STAT4: variants seen among roughly 807,000 people sequenced by gnomAD.
The protein encoded by STAT4 is signal transducer and activator of transcription 4.
In STAT4, 42 loss-of-function variants were observed where a neutral mutation model predicts 110.5. The ratio of observed to expected loss-of-function variants is 0.38; its 90% CI spans 0.30 to 0.49. STAT4 has a LOEUF of 0.49. STAT4 is among the 20% of genes least tolerant of loss of function. The pLI, the probability that STAT4 is intolerant of heterozygous loss-of-function variation, is 0.95. For missense variants in STAT4, 632 were observed against 887.9 expected (o/e 0.71, Z 3.66); for synonymous variants, 284 against 302.2 (o/e 0.94, Z 0.63).
In STAT4 at chr2:191,029,693, G is replaced by A. The variant is rs949505895; in HGVS notation, c.*147C>T. 6 of 718,726 alleles carry A rather than the reference G, an allele frequency of 8.3e-6. No individual in the cohort carries two copies. Among genetic ancestry groups the A allele is most frequent in the South Asian group, 3.5e-5 (2 of 57,166 alleles). The allele number at this position is 718,726 out of a possible 1,614,324, so 44.5% of individuals were successfully genotyped here. Reference sequence around the variant, plus strand: ...AACACTCCCAATTGAGGAGTGCCACGGGAGTGTGAAGAGAGCTTCAGATGT... The same window carrying A: ...AACACTCCCAATTGAGGAGTGCCACAGGAGTGTGAAGAGAGCTTCAGATGT... On this transcript the variant is annotated 3_prime_UTR_variant, in exon 24 of 24. Coordinates refer to ENST00000392320, the MANE Select transcript of STAT4 (RefSeq NM_003151.4). This position sits in a 1 kb window ranked among gnomAD's most constrained non-coding sequence, Gnocchi z 4.5.
rs1698566408 is a variant in STAT4, at chr2:191,116,202, C to T, written c.273+30411G>A. ...GTGAAGCTAAGATCACATATGTACC[C>T]TTTGTTCACTGATGCTGACAAGAGG... is the stretch of plus-strand genomic sequence containing the variant. On this transcript the variant is annotated intron_variant, in intron 3 of 23. Coordinates refer to ENST00000392320, the MANE Select transcript of STAT4 (RefSeq NM_003151.4). The surrounding 1 kb of genome is among the most constrained non-coding windows in gnomAD (Gnocchi z 4.1). Among the ~76,000 whole-genome samples, 1 of 152,170 alleles carries T rather than the reference C, an allele frequency of 6.6e-6. No individual in the cohort carries two copies. Among genetic ancestry groups the T allele is most frequent in the African/African-American group, 2.4e-5 (1 of 41,432 alleles).
rs1227169077 is a variant in STAT4 at position 191,033,815 on chromosome 2, C to T, written c.1715+96G>A. On this transcript the variant is annotated intron_variant, in intron 19 of 23. Coordinates refer to ENST00000392320, the MANE Select transcript of STAT4 (RefSeq NM_003151.4). The surrounding 1 kb of genome is among the most constrained non-coding windows in gnomAD (Gnocchi z 6.9). Reference sequence around the variant, plus strand: ...ATTGCAACTATTTTTTTCTGTGGTACTAAACATGCTTAAGAGAAAAAGAAA... The same window carrying T: ...ATTGCAACTATTTTTTTCTGTGGTATTAAACATGCTTAAGAGAAAAAGAAA... 4 of 1,360,040 alleles carry T rather than the reference C, an allele frequency of 2.9e-6. No individual in the cohort carries two copies. Among genetic ancestry groups the T allele is most frequent in the East Asian group, 4.6e-5 (2 of 43,390 alleles). 84.2% of individuals were successfully genotyped at this position (1,360,040 alleles called of 1,614,324 possible). A position where few individuals can be genotyped will look rare whatever the true frequency, so the allele number is the denominator to read the frequency against.
intron 3 of STAT4, among the ~76,000 whole-genome samples, chr2:191,098,927 T>C (rs1267883048): frequency 6.6e-6 from 1 of 151,924 alleles, no homozygotes; most frequent in Non-Finnish European, 1.5e-5. Flanking sequence ...AGACATATTA[T>C]AGACTTAGGA....
chr2:191,148,079 T>C lies in STAT4; in HGVS notation c.125A>G (p.Asp42Gly), dbSNP rs761161672. Residue 42 changes from aspartate to glycine, a missense_variant, in exon 2 of 24, where the codon GAC (aspartate) becomes GGC (glycine). Transcript: ENST00000392320. ...GGGAAAATATGTTTGATCCTACCAG[T>C]CTTGATTTTCAATCCATTGGGCCAA... ...HLLAQWIENQ[D>G]WEAASNNETM... 48 of 1,613,648 alleles carry C rather than the reference T, an allele frequency of 3.0e-5. No homozygotes were observed. Among genetic ancestry groups the C allele is most frequent in the Non-Finnish European group, 3.8e-5 (45 of 1,179,752 alleles).
intron 3 of STAT4, among the ~76,000 whole-genome samples, chr2:191,089,246 T>C: frequency 6.6e-6 from 1 of 152,256 alleles, no homozygotes; most frequent in East Asian, 1.9e-4. Context: ...ATGGGCCAAA[T>C]ACCATAATAG....
At position 191,144,330 on chromosome 2, in the gene STAT4, T is replaced by A. The variant is rs558764328; in HGVS notation, c.273+2283A>T. Among the ~76,000 whole-genome samples the A allele has an allele frequency of 2.0e-5, 3 of 152,216 alleles. No homozygotes were observed. The highest frequency in any genetic ancestry group is 3.9e-4 in the East Asian group (2 of 5,178). ...TTTTCTTGTTGCACTGGAACCTACA[T>A]AGATTCTTTAGGGATGGATGGGAAC... On this transcript the variant is annotated intron_variant, in intron 3 of 23. Coordinates refer to ENST00000392320, the MANE Select transcript of STAT4 (RefSeq NM_003151.4). The surrounding 1 kb of genome is among the most constrained non-coding windows in gnomAD (Gnocchi z 4.7).
chr2:191,094,917 C>CAAAAAAAAAAAAAAAAAAAA, intron 3 of STAT4, among the ~76,000 whole-genome samples: 1 of 77,920 alleles, frequency 1.3e-5, no homozygotes, highest in South Asian at 5.0e-4. Context: ...AAATGGAAAG[C>CAAAAAAAAAAAAAAAAAAAA]AAAAAAAAAA....
Position 191,039,239 on chromosome 2 carries a change from GC to G in STAT4, c.1393del (p.Ala465HisfsTer27), listed in dbSNP as rs1696123103. The G allele has an allele frequency of 6.2e-7, 1 of 1,614,076 alleles. No homozygotes were observed. The highest frequency in any genetic ancestry group is 8.5e-7 in the Non-Finnish European group (1 of 1,180,012). ...SNVSQLPNAW[A>X]SIIWYNVSTN... The stretch of plus-strand genomic sequence containing the variant: ...TGACACGTTGTACCAAATGATGGAT[GC>G]CCAAGCATTAGGTAACTGACTGACA... On this transcript the variant is annotated frameshift_variant, in exon 16 of 24. Coordinates refer to ENST00000392320, the MANE Select transcript of STAT4 (RefSeq NM_003151.4). LOFTEE classifies it high-confidence loss of function. The surrounding 1 kb of genome is among the most constrained non-coding windows in gnomAD (Gnocchi z 4.7).
chr2:191,123,491 C>A (rs1411964834), intron 3 of STAT4, among the ~76,000 whole-genome samples: 1 of 152,140 alleles, frequency 6.6e-6, no homozygotes, highest in Non-Finnish European at 1.5e-5. Context: ...TCACATGTAC[C>A]ATATTCTCGA....
chr2:191,062,843 G>T lies in STAT4; in HGVS notation c.860C>A (p.Thr287Lys), dbSNP rs1696888097. The T allele has an allele frequency of 6.2e-7, 1 of 1,613,924 alleles. No individual in the cohort carries two copies. Among genetic ancestry groups the T allele is most frequent in the Non-Finnish European group, 8.5e-7 (1 of 1,179,904 alleles). Residue 287 changes from threonine to lysine, a missense_variant, in exon 9 of 24, where the codon ACA (threonine) becomes AAA (lysine). Physicochemically the swap from Thr to Lys is moderately conservative, Grantham distance 78. Transcript: ENST00000392320. This position sits in a 1 kb window ranked among gnomAD's most constrained non-coding sequence, Gnocchi z 4.9. ...EKLEEQSTKMTYEGDPIPMQR... is the reference protein window; with the variant it reads ...EKLEEQSTKMKYEGDPIPMQR... ...CATTGGAATGGGATCACCTTCATAT[G>T]TCATTTTGGTAGATTGCTCCTCTAG...
intron 3 of STAT4, among the ~76,000 whole-genome samples, chr2:191,109,186 A>T (rs907876518): frequency 2.6e-5 from 4 of 152,210 alleles, no homozygotes; most frequent in Non-Finnish European, 4.4e-5. Context: ...CCATTTCTAC[A>T]AGCGAAAAAC....
At position 191,066,403 on chromosome 2, in the gene STAT4, A is replaced by G. The variant is rs3024845; in HGVS notation, c.630+27T>C. 3.3e-3 allele frequency: 5,254 copies of G among 1,596,836 alleles called. 154 individuals carry two copies. In the African/African-American group the frequency reaches 0.062, roughly 19 times the overall value. On this transcript the variant is annotated intron_variant, in intron 7 of 23. Coordinates refer to ENST00000392320, the MANE Select transcript of STAT4 (RefSeq NM_003151.4). This position sits in a 1 kb window ranked among gnomAD's most constrained non-coding sequence, Gnocchi z 4.3. ...TAGAAAAAAGGAGAAAAATAGGCAA[A>G]AGCCCAAATTAAAATTCTTCACTAA...
chr2:191,147,500 T>C lies in STAT4; in HGVS notation c.128+576A>G, dbSNP rs1203631972. Among the ~76,000 whole-genome samples the C allele has an allele frequency of 2.0e-5, 3 of 151,538 alleles. No individual in the cohort carries two copies. The highest frequency in any genetic ancestry group is 2.1e-4 in the South Asian group (1 of 4,784). On this transcript the variant is annotated intron_variant, in intron 2 of 23. Transcript: ENST00000392320. The surrounding 1 kb of genome is among the most constrained non-coding windows in gnomAD (Gnocchi z 4.1). Reference sequence around the variant, plus strand: ...AAAATAGAATGGTGATTGCCAGGGGTTGGGGGTGGAGGACTAGGGAGTTAC... The same window carrying C: ...AAAATAGAATGGTGATTGCCAGGGGCTGGGGGTGGAGGACTAGGGAGTTAC...
intron 3 of STAT4, among the ~76,000 whole-genome samples, chr2:191,102,552 G>T (rs1698173649): frequency 6.6e-6 from 1 of 152,142 alleles, no homozygotes; most frequent in Non-Finnish European, 1.5e-5. Context: ...CTAATAGAAT[G>T]AGCTCTGCTT....
Position 191,037,709 on chromosome 2 carries a change from G to C in STAT4, c.1435-1410C>G, listed in dbSNP as rs1267315153. On this transcript the variant is annotated intron_variant, in intron 16 of 23. Transcript: ENST00000392320. This position sits in a 1 kb window ranked among gnomAD's most constrained non-coding sequence, Gnocchi z 4.8. ...CCAATTCAAGAGATTTCAGAAGGTG[G>C]GAATGAAAGAGGACACAGCATCCAA... is the stretch of plus-strand genomic sequence containing the variant. 6.6e-6 allele frequency among the ~76,000 whole-genome samples: 1 copy of C among 152,154 alleles called. No homozygotes were observed. The highest frequency in any genetic ancestry group is 1.9e-4 in the East Asian group (1 of 5,196).
intron 6 of STAT4, among the ~76,000 whole-genome samples, chr2:191,067,053 T>C (rs188909996): frequency 2.6e-5 from 4 of 151,398 alleles, no homozygotes; most frequent in Admixed American, 1.3e-4. Flanking sequence ...TCCCCCACTT[T>C]TTTTTCTTTT....
In STAT4 at chr2:191,146,229, G is replaced by A. The variant is rs1449223434; in HGVS notation, c.273+384C>T. 2.6e-5 allele frequency among the ~76,000 whole-genome samples: 4 copies of A among 152,112 alleles called. No individual in the cohort carries two copies. The highest frequency in any genetic ancestry group is 5.9e-5 in the Non-Finnish European group (4 of 68,016). Reference sequence around the variant, plus strand: ...CTGTAAGAATACATTCACTCATGATGCTCTCATTTAGGAATGAGAACAATA... The same window carrying A: ...CTGTAAGAATACATTCACTCATGATACTCTCATTTAGGAATGAGAACAATA... On this transcript the variant is annotated intron_variant, in intron 3 of 23. Transcript: ENST00000392320. This position sits in a 1 kb window ranked among gnomAD's most constrained non-coding sequence, Gnocchi z 4.5.
In STAT4 at chr2:191,043,366, T is replaced by C. The variant is rs1443137702; in HGVS notation, c.1252-2218A>G. ...GCAAATAAAGAATTAATATATGAACTGCAGCAACAAACTAACACAAGTTCT... is the reference window on the plus strand; with the variant it reads ...GCAAATAAAGAATTAATATATGAACCGCAGCAACAAACTAACACAAGTTCT... On this transcript the variant is annotated intron_variant, in intron 14 of 23. Coordinates refer to ENST00000392320, the MANE Select transcript of STAT4 (RefSeq NM_003151.4). This position sits in a 1 kb window ranked among gnomAD's most constrained non-coding sequence, Gnocchi z 4.8. Among the ~76,000 whole-genome samples, 1 of 151,922 alleles carries C rather than the reference T, an allele frequency of 6.6e-6. No homozygotes were observed. The highest frequency in any genetic ancestry group is 6.6e-5 in the Admixed American group (1 of 15,254).
rs1296046585 is a variant in STAT4, at chr2:191,146,570, C to A, written c.273+43G>T. ...ATTTAATTTTTAACTAAATTTAAGA[C>A]TCATATATCCAAATATTTTGGAAAA... On this transcript the variant is annotated intron_variant, in intron 3 of 23. Transcript: ENST00000392320. The surrounding 1 kb of genome is among the most constrained non-coding windows in gnomAD (Gnocchi z 4.5). 2 of 1,391,114 alleles carry A rather than the reference C, an allele frequency of 1.4e-6. No individual in the cohort carries two copies. Among genetic ancestry groups the A allele is most frequent in the South Asian group, 1.9e-5 (1 of 53,730 alleles). 86.2% of individuals were successfully genotyped at this position (1,391,114 alleles called of 1,614,324 possible). A position where few individuals can be genotyped will look rare whatever the true frequency, so the allele number is the denominator to read the frequency against.
Sources: allele counts gnomAD v4.1 joint callset (sites outside exome capture counted in the v4.1 genomes callset), GRCh38; gene constraint gnomAD v4.1.1; non-coding constraint Gnocchi (gnomAD v3.1); transcripts MANE v1.5; gene names NCBI Gene and HGNC (gene_info 2026-07-23, HGNC 2026-07-21).